Variants in AMACR observed in about 807,000 individuals in gnomAD.
The protein encoded by AMACR is 2-methylacyl-CoA racemase.
A neutral mutation model predicts 22.2 loss-of-function variants in AMACR; 18 were observed. The ratio of observed to expected loss-of-function variants is 0.81; its 90% CI spans 0.56 to 1.20. The LOEUF (loss-of-function observed/expected upper bound fraction) is 1.20. AMACR is among the 50% of genes most tolerant of loss of function. The pLI, the probability that AMACR is intolerant of heterozygous loss-of-function variation, is 0.00. For missense variants in AMACR, 499 were observed against 490.6 expected (o/e 1.02, Z -0.16); for synonymous variants, 213 against 191.3 (o/e 1.11, Z -0.94).
intron 4 of AMACR, chr5:33,997,437 T>C: frequency 3.9e-6 from 3 of 778,576 alleles, no homozygotes; most frequent in Non-Finnish European, 7.2e-6. Flanking sequence ...CGATGGCCAT[T>C]GCTTCACACT....
intron 4 of AMACR, among the ~76,000 whole-genome samples, chr5:33,989,865 AT>A (rs1753422326): frequency 6.6e-6 from 1 of 152,214 alleles, no homozygotes; most frequent in African/African-American, 2.4e-5. Flanking sequence ...ATTTTCTATA[AT>A]GTATTCAAAC....
At chr5:33,999,349 T>G (rs1753741223) in intron 3 of AMACR, among the ~76,000 whole-genome samples, 1 of 152,176 alleles carries the variant, frequency 6.6e-6, no homozygotes, top group Admixed American at 6.5e-5. Flanking sequence ...AAACTGTATT[T>G]GAGTATTTAA....
In AMACR at chr5:34,005,870, C is replaced by G; in HGVS notation, c.277G>C (p.Glu93Gln). The G allele has an allele frequency of 6.2e-7, 1 of 1,614,200 alleles. No individual in the cohort carries two copies. Among genetic ancestry groups the G allele is most frequent in the Non-Finnish European group, 8.5e-7 (1 of 1,180,040 alleles). The change falls in exon 2 of 5, where the codon GAG becomes CAG. Residue 93 changes from glutamate to glutamine, a missense_variant. Transcript: ENST00000335606. ...CTTGGATTTTCCCGCTGCAGAATCT[C>G]TGGGCCCAGCTGGAGTTTCTCCATG... ...GVMEKLQLGPEILQRENPRLI... is the reference protein window; with the variant it reads ...GVMEKLQLGPQILQRENPRLI...
intron 3 of AMACR, among the ~76,000 whole-genome samples, chr5:34,001,650 T>C (rs1238460218): frequency 6.6e-6 from 1 of 152,200 alleles, no homozygotes. Flanking sequence ...TGAGTGTAAA[T>C]ACAGCAAAAC....
Position 33,986,946 on chromosome 5 carries a change from T to C in AMACR, c.*2147A>G, listed in dbSNP as rs1174800536. ...TGTTTTAAAGACTTCGAGTGGGTTATATTTTCCTTGCTGGACCGAGTTCAA... is the reference window on the plus strand; with the variant it reads ...TGTTTTAAAGACTTCGAGTGGGTTACATTTTCCTTGCTGGACCGAGTTCAA... On this transcript the variant is annotated 3_prime_UTR_variant, in exon 5 of 5. Transcript: ENST00000335606. The C allele has an allele frequency of 6.6e-6, 1 of 152,256 alleles. No individual in the cohort carries two copies. The highest frequency in any genetic ancestry group is 2.4e-5 in the African/African-American group (1 of 41,464). The allele number at this position is 152,256 out of a possible 1,614,324, so 9.4% of individuals were successfully genotyped here.
At position 33,988,270 on chromosome 5, in the gene AMACR, G is replaced by A; in HGVS notation, c.*823C>T. ...AGGCTTGTAACTTAACTCAGTCCAA[G>A]GAGACACAAAACGACTTGCTGGGGG... On this transcript the variant is annotated 3_prime_UTR_variant, in exon 5 of 5. Coordinates refer to ENST00000335606, the MANE Select transcript of AMACR (RefSeq NM_014324.6). 3.3e-6 allele frequency: 5 copies of A among 1,502,692 alleles called. No individual in the cohort carries two copies. Among genetic ancestry groups the A allele is most frequent in the Non-Finnish European group, 4.5e-6 (5 of 1,115,892 alleles). 93.1% of individuals were successfully genotyped at this position (1,502,692 alleles called of 1,614,324 possible).
chr5:33,988,064 T>C lies in AMACR; in HGVS notation c.*1029A>G. 1 of 378,638 alleles carries C rather than the reference T, an allele frequency of 2.6e-6. No individual in the cohort carries two copies. The highest frequency in any genetic ancestry group is 4.8e-6 in the Non-Finnish European group (1 of 209,648). The allele number at this position is 378,638 out of a possible 1,614,324, so 23.5% of individuals were successfully genotyped here. A position where few individuals can be genotyped will look rare whatever the true frequency, so the allele number is the denominator to read the frequency against. ...TTGAGATACTGCGCAGAATGGACCT[T>C]ATTGATGGCCTACCCAACATCCATT... is the stretch of plus-strand genomic sequence containing the variant. On this transcript the variant is annotated 3_prime_UTR_variant, in exon 5 of 5. Coordinates refer to ENST00000335606, the MANE Select transcript of AMACR (RefSeq NM_014324.6).
chr5:34,000,358 T>C (rs1314996978), intron 3 of AMACR, among the ~76,000 whole-genome samples: 2 of 152,274 alleles, frequency 1.3e-5, no homozygotes, highest in Non-Finnish European at 1.5e-5. Context: ...GAATACTGTT[T>C]ATCTGGCTTT....
rs1753364051 is a variant in AMACR, at chr5:33,988,425, G to A, written c.*668C>T. 6.5e-7 allele frequency: 1 copy of A among 1,536,178 alleles called. No individual in the cohort carries two copies. Among genetic ancestry groups the A allele is most frequent in the Non-Finnish European group, 8.7e-7 (1 of 1,146,400 alleles). On this transcript the variant is annotated 3_prime_UTR_variant, in exon 5 of 5. Transcript: ENST00000335606. ...CAGCCCAGAGACCCACGGGGAAACA[G>A]GCCCCGAGTTACTGGATACAGGCAA...
chr5:34,002,594 C>T (rs1041387127), intron 3 of AMACR, among the ~76,000 whole-genome samples: 2 of 152,076 alleles, frequency 1.3e-5, no homozygotes, highest in Non-Finnish European at 2.9e-5. Context: ...GACCCTTTCC[C>T]GTCATCTGCT....
intron 3 of AMACR, among the ~76,000 whole-genome samples, chr5:34,000,260 G>A (rs1230674874): frequency 6.6e-6 from 1 of 152,148 alleles, no homozygotes; most frequent in Non-Finnish European, 1.5e-5. Flanking sequence ...TTCTCTCAGA[G>A]CCTAACGCCG....
chr5:33,988,416 G>T lies in AMACR; in HGVS notation c.*677C>A. Reference sequence around the variant, plus strand: ...GAAAGCTGACAGCCCAGAGACCCACGGGGAAACAGGCCCCGAGTTACTGGA... The same window carrying T: ...GAAAGCTGACAGCCCAGAGACCCACTGGGAAACAGGCCCCGAGTTACTGGA... On this transcript the variant is annotated 3_prime_UTR_variant, in exon 5 of 5. Transcript: ENST00000335606. 1 of 1,536,378 alleles carries T rather than the reference G, an allele frequency of 6.5e-7. No individual in the cohort carries two copies. The highest frequency in any genetic ancestry group is 1.2e-5 in the South Asian group (1 of 83,914).
At chr5:33,995,601 G>A (rs1345431427) in intron 4 of AMACR, among the ~76,000 whole-genome samples, 1 of 152,168 alleles carries the variant, frequency 6.6e-6, no homozygotes, top group Non-Finnish European at 1.5e-5. Context: ...CCAATTGACC[G>A]CAATCAGGTT....
rs750353395 is a variant in AMACR at position 34,007,846 on chromosome 5, C to T, written c.174G>A (p.Lys58=). 1.3e-6 allele frequency: 2 copies of T among 1,582,250 alleles called. No individual in the cohort carries two copies. Among genetic ancestry groups the T allele is most frequent in the Non-Finnish European group, 8.6e-7 (1 of 1,167,220 alleles). ...GCAGCACGGCGGCTCCCCGCGGCTG[C>T]TTCAGGTCCAGCACTAGCGAGCGCT... ...RGKRSLVLDL[K]QPRGAAVLRR... Residue 58 remains lysine, a synonymous_variant, in exon 1 of 5, where the codon AAG becomes AAA. Coordinates refer to ENST00000335606, the MANE Select transcript of AMACR (RefSeq NM_014324.6).
At position 33,991,726 on chromosome 5, in the gene AMACR, T is replaced by TTTATTATTATTATTATTATTATTA. The variant is rs60157743; in HGVS notation, c.740-2248_740-2225dup. On this transcript the variant is annotated intron_variant, in intron 4 of 4. Transcript: ENST00000335606. ...CCAGGATGGCAATTGTAAACACTATTTTATTATTATTATTATTATTATTAT... is the reference window on the plus strand; with the variant it reads ...CCAGGATGGCAATTGTAAACACTATTTTATTATTATTATTATTATTATTATTATTATTATTATTATTATTATTAT... Among the ~76,000 whole-genome samples the TTTATTATTATTATTATTATTATTA allele has an allele frequency of 1.8e-3, 267 of 145,200 alleles. 1 individual carries two copies. Among genetic ancestry groups the TTTATTATTATTATTATTATTATTA allele is most frequent in the African/African-American group, 6.2e-3 (243 of 39,420 alleles).
intron 4 of AMACR, among the ~76,000 whole-genome samples, chr5:33,992,966 A>G (rs1039244263): frequency 5.9e-5 from 9 of 152,252 alleles, no homozygotes; most frequent in African/African-American, 2.2e-4. Flanking sequence ...CTAGGGCATT[A>G]AGTACACTCA....
intron 3 of AMACR, 151 bp downstream of exon 3, chr5:34,004,423 T>TA (rs1753908102): frequency 1.0e-6 from 1 of 984,504 alleles, no homozygotes; most frequent in Admixed American, 1.9e-5. Context: ...GACATAAGTC[T>TA]ATTTTAAAAA....
intron 3 of AMACR, among the ~76,000 whole-genome samples, chr5:34,003,766 G>A (rs931881868): frequency 2.0e-5 from 3 of 152,162 alleles, no homozygotes; most frequent in African/African-American, 7.2e-5. Flanking sequence ...AACTGCTTTA[G>A]TACTTGCCCT....
In AMACR at chr5:33,989,013, G is replaced by A; in HGVS notation, c.*80C>T. On this transcript the variant is annotated 3_prime_UTR_variant, in exon 5 of 5. Coordinates refer to ENST00000335606, the MANE Select transcript of AMACR (RefSeq NM_014324.6). ...GGACACTGTAATACTGTTCCTCCAT[G>A]TTTCCATGCATACAATGTTATGTGT... 32 of 1,596,628 alleles carry A rather than the reference G, an allele frequency of 2.0e-5. No homozygotes were observed. The highest frequency in any genetic ancestry group is 2.4e-5 in the Non-Finnish European group (28 of 1,171,590).
Sources: allele counts gnomAD v4.1 joint callset (sites outside exome capture counted in the v4.1 genomes callset), GRCh38; gene constraint gnomAD v4.1.1; transcripts MANE v1.5; gene names NCBI Gene and HGNC (gene_info 2026-07-23, HGNC 2026-07-21).